The following PRKCE variants were observed in gnomAD, a reference collection of about 807,000 sequenced individuals.
The protein encoded by PRKCE is protein kinase C epsilon.
In PRKCE, 16 loss-of-function variants were observed where a neutral mutation model predicts 85.4. That is an observed-to-expected ratio of 0.19 (90% CI 0.13 to 0.28). The LOEUF (loss-of-function observed/expected upper bound fraction) is 0.28, where lower values mean the gene tolerates loss of function less well. Ranked by LOEUF, PRKCE falls within the 10% of genes least tolerant of loss-of-function variation. The pLI, the probability that PRKCE is intolerant of heterozygous loss-of-function variation, is 1.00. For missense variants in PRKCE, 573 were observed against 975.2 expected, an observed-to-expected ratio of 0.59 and a Z score of 5.49; for synonymous variants, 388 against 371.5, an observed-to-expected ratio of 1.04 and a Z score of -0.51.
chr2:46,028,250 G>A (rs1459801573), intron 10 of PRKCE, among the ~76,000 whole-genome samples: 2 of 152,178 alleles, frequency 1.3e-5, no homozygotes, highest in Non-Finnish European at 2.9e-5. Context: ...CCGAAGGTTG[G>A]GATTCTTAAA....
chr2:45,651,625 C>G (rs1558526584), upstream of PRKCE: 1 of 158,384 alleles, frequency 6.3e-6, no homozygotes, highest in Non-Finnish European at 1.4e-5. Flanking sequence ...ATCTGCGCCC[C>G]CGGTTCTCGT....
At chr2:45,876,198 T>C (rs1694466802) in intron 2 of PRKCE, among the ~76,000 whole-genome samples, 1 of 152,214 alleles carries the variant, frequency 6.6e-6, no homozygotes, top group Non-Finnish European at 1.5e-5. Context: ...CTTGCCTAAG[T>C]GGTTTTAAAT....
intron 1 of PRKCE, among the ~76,000 whole-genome samples, chr2:45,709,764 C>T (rs988632697): frequency 3.3e-5 from 5 of 152,084 alleles, no homozygotes; most frequent in Non-Finnish European, 5.9e-5. Flanking sequence ...GATATTGTGA[C>T]ATCTCCCACT....
chr2:46,031,483 A>C (rs115586066), intron 10 of PRKCE, among the ~76,000 whole-genome samples: 1 of 152,164 alleles, frequency 6.6e-6, no homozygotes, highest in Non-Finnish European at 1.5e-5. Context: ...GCCAGCATAC[A>C]TACCACGACT....
chr2:45,819,765 G>A (rs577082492), intron 1 of PRKCE, among the ~76,000 whole-genome samples: 1 of 152,224 alleles, frequency 6.6e-6, no homozygotes, highest in East Asian at 1.9e-4. Context: ...CCATGGTGGT[G>A]CTCTGGGAAG....
At chr2:45,776,054 C>T (rs940689099) in intron 1 of PRKCE, among the ~76,000 whole-genome samples, 25 of 152,198 alleles carry the variant, frequency 1.6e-4, no homozygotes, top group Non-Finnish European at 2.1e-4. Flanking sequence ...CAATGCCCTT[C>T]CCCCATCCTG....
chr2:46,056,977 G>A (rs1666642338), intron 10 of PRKCE, among the ~76,000 whole-genome samples: 2 of 152,196 alleles, frequency 1.3e-5, no homozygotes, highest in Admixed American at 1.3e-4. Flanking sequence ...GGCCTCTTGT[G>A]TGGCTACAGA....
chr2:46,028,335 C>T (rs1469906038), intron 10 of PRKCE, among the ~76,000 whole-genome samples: 4 of 152,216 alleles, frequency 2.6e-5, no homozygotes, highest in Non-Finnish European at 4.4e-5. Flanking sequence ...ACTGCCACAA[C>T]ATTTGTGTTT....
chr2:45,908,202 A>G (rs1191323938), intron 2 of PRKCE, among the ~76,000 whole-genome samples: 1 of 152,082 alleles, frequency 6.6e-6, no homozygotes, highest in Non-Finnish European at 1.5e-5. Flanking sequence ...TCAGTTTCCC[A>G]GTCTCATCAT....
chr2:45,739,711 G>A (rs1034467694), intron 1 of PRKCE, among the ~76,000 whole-genome samples: 3 of 152,116 alleles, frequency 2.0e-5, no homozygotes, highest in Non-Finnish European at 4.4e-5. Context: ...ACAAGATTGA[G>A]TACAAAGGGG....
chr2:46,051,509 C>G (rs914191797), intron 10 of PRKCE, among the ~76,000 whole-genome samples: 5 of 152,214 alleles, frequency 3.3e-5, no homozygotes, highest in African/African-American at 1.2e-4. Flanking sequence ...TTCTCCCAAG[C>G]TGCTGATTTT....
chr2:46,082,549 G>A (rs749135254), intron 10 of PRKCE, among the ~76,000 whole-genome samples: 9 of 152,102 alleles, frequency 5.9e-5, no homozygotes, highest in South Asian at 4.1e-4. Context: ...TGAGTGGTCC[G>A]GAGCTTGTGA....
intron 2 of PRKCE, among the ~76,000 whole-genome samples, chr2:45,901,591 G>A (rs1415597191): frequency 6.6e-6 from 1 of 152,200 alleles, no homozygotes; most frequent in Admixed American, 6.5e-5. Context: ...AAGTTTGAAG[G>A]ATTTTTTTAT....
intron 14 of PRKCE, among the ~76,000 whole-genome samples, chr2:46,175,389 T>G (rs1679325429): frequency 6.6e-6 from 1 of 152,262 alleles, no homozygotes; most frequent in Non-Finnish European, 1.5e-5. Context: ...TTCTGTTTGT[T>G]CTAACCATAC....
chr2:46,115,632 C>T (rs1469170965), intron 11 of PRKCE, among the ~76,000 whole-genome samples: 2 of 152,168 alleles, frequency 1.3e-5, no homozygotes, highest in Non-Finnish European at 2.9e-5. Flanking sequence ...TTGAAAAGAT[C>T]TCTATGGGCA....
chr2:45,957,177 T>C (rs1701029089), intron 2 of PRKCE, among the ~76,000 whole-genome samples: 1 of 152,396 alleles, frequency 6.6e-6, no homozygotes, highest in South Asian at 2.1e-4. Context: ...ATTATGCTTT[T>C]AATGTCATAG....
intron 2 of PRKCE, among the ~76,000 whole-genome samples, chr2:45,914,398 G>A (rs1271510377): frequency 6.6e-6 from 1 of 152,214 alleles, no homozygotes; most frequent in Non-Finnish European, 1.5e-5. Flanking sequence ...TGGTCCAGAG[G>A]GCTGGTGGCT....
chr2:45,962,890 C>A (rs911673819), intron 2 of PRKCE, among the ~76,000 whole-genome samples: 1 of 152,046 alleles, frequency 6.6e-6, no homozygotes, highest in Admixed American at 6.5e-5. Flanking sequence ...TGCTTTTGAC[C>A]TTCTCATCCC....
At chr2:45,900,227 G>C (rs1245180061) in intron 2 of PRKCE, among the ~76,000 whole-genome samples, 1 of 152,200 alleles carries the variant, frequency 6.6e-6, no homozygotes, top group Non-Finnish European at 1.5e-5. Context: ...TCAGAAAATT[G>C]AATTACCATA....
Sources: allele counts gnomAD v4.1 joint callset (sites outside exome capture counted in the v4.1 genomes callset), GRCh38; gene constraint gnomAD v4.1.1; transcripts MANE v1.5; gene names NCBI Gene and HGNC (gene_info 2026-07-23, HGNC 2026-07-21).